The following SMURF1 variants were observed in gnomAD, a reference collection of about 807,000 sequenced individuals.
The protein encoded by SMURF1 is E3 ubiquitin-protein ligase SMURF1.
Under a neutral mutation model 98.0 loss-of-function variants are expected in SMURF1, and 44 were observed. The ratio of observed to expected loss-of-function variants is 0.45; its 90% CI spans 0.35 to 0.58. The LOEUF (loss-of-function observed/expected upper bound fraction) is 0.58. SMURF1 is among the 20% of genes least tolerant of loss of function. SMURF1 has a pLI of 0.00. For synonymous variants in SMURF1, 396 were observed against 374.9 expected, an observed-to-expected ratio of 1.06 and a Z score of -0.65; for missense variants, 687 against 938.4, an observed-to-expected ratio of 0.73 and a Z score of 3.50.
intron 12 of SMURF1, among the ~76,000 whole-genome samples, chr7:99,041,687 ACTT>A (rs1004088772): frequency 2.2e-4 from 34 of 152,174 alleles, no homozygotes; most frequent in African/African-American, 8.2e-4. Flanking sequence ...CACTGCACTG[ACTT>A]CTTCATCTCT....
rs1287385760 is a variant in SMURF1, at chr7:99,102,873, C to G, written c.55+40853G>C. On this transcript the variant is annotated intron_variant, in intron 1 of 17. Coordinates refer to ENST00000361368, the MANE Select transcript of SMURF1 (RefSeq NM_181349.3). ...ACACAGTCTCACTCCGTCACCCAGG[C>G]TGGAGTACAGCAGTGCGTCTCCAGG... Among the ~76,000 whole-genome samples the G allele has an allele frequency of 2.6e-5, 4 of 152,168 alleles. No homozygotes were observed. In the East Asian group the frequency reaches 7.7e-4, roughly 29 times the overall value.
chr7:99,119,189 C>T (rs963150133), intron 1 of SMURF1, among the ~76,000 whole-genome samples: 7 of 151,842 alleles, frequency 4.6e-5, no homozygotes, highest in Non-Finnish European at 8.8e-5. Flanking sequence ...AATATATGTA[C>T]AAGTATTTTT....
At chr7:99,075,782 T>G (rs1796441091) in intron 1 of SMURF1, among the ~76,000 whole-genome samples, 1 of 152,246 alleles carries the variant, frequency 6.6e-6, no homozygotes, top group South Asian at 2.1e-4. Context: ...TCCCATTCAT[T>G]CTGGCTGGAT....
At chr7:99,088,059 C>G (rs563126025) in intron 1 of SMURF1, among the ~76,000 whole-genome samples, 171 of 151,876 alleles carry the variant, frequency 1.1e-3, no homozygotes, top group African/African-American at 3.8e-3. Flanking sequence ...GAGTTCGAGA[C>G]CAGCCTGGCC....
At chr7:99,070,486 T>C (rs1796291937) in intron 1 of SMURF1, among the ~76,000 whole-genome samples, 1 of 152,212 alleles carries the variant, frequency 6.6e-6, no homozygotes, top group African/African-American at 2.4e-5. Context: ...TTGCAGAGCC[T>C]GAAATTAAAC....
intron 1 of SMURF1, among the ~76,000 whole-genome samples, chr7:99,096,163 C>T (rs73399266): frequency 0.032 from 4,833 of 152,220 alleles, 262 homozygotes; most frequent in African/African-American, 0.11. Flanking sequence ...ATGACCAGGA[C>T]GCCTAAATCA....
At chr7:99,118,961 A>G (rs1720501453) in intron 1 of SMURF1, among the ~76,000 whole-genome samples, 1 of 145,170 alleles carries the variant, frequency 6.9e-6, no homozygotes, top group African/African-American at 2.6e-5. Context: ...TCTGGGCTCA[A>G]GCGATCGTCC....
chr7:99,050,870 A>T, intron 8 of SMURF1: 1 of 1,277,656 alleles, frequency 7.8e-7, no homozygotes. Flanking sequence ...AAAAGAAAAA[A>T]AGAAACTTAA....
intron 1 of SMURF1, among the ~76,000 whole-genome samples, chr7:99,069,539 T>C (rs924754737): frequency 6.6e-6 from 1 of 152,178 alleles, no homozygotes; most frequent in Non-Finnish European, 1.5e-5. Flanking sequence ...TTTCAATTTC[T>C]TGTAGGGACA....
intron 12 of SMURF1, 66 bp from the exon 13 acceptor site, chr7:99,040,622 T>C: frequency 7.4e-7 from 1 of 1,343,446 alleles, no homozygotes; most frequent in Non-Finnish European, 9.7e-7. Context: ...AATCTCGTGC[T>C]GTCCCCAAGC....
chr7:99,099,811 C>G (rs548821975), intron 1 of SMURF1, among the ~76,000 whole-genome samples: 1 of 152,200 alleles, frequency 6.6e-6, no homozygotes, highest in Admixed American at 6.5e-5. Flanking sequence ...ATCATTTCCA[C>G]TTCTGTTTTC....
At chr7:99,109,628 T>G (rs1240494916) in intron 1 of SMURF1, among the ~76,000 whole-genome samples, 1 of 152,190 alleles carries the variant, frequency 6.6e-6, no homozygotes, top group Non-Finnish European at 1.5e-5. Context: ...TCCTTTGTAT[T>G]TTGTCAGCCT....
chr7:99,052,916 T>G (rs913741950), intron 6 of SMURF1, among the ~76,000 whole-genome samples: 2 of 152,034 alleles, frequency 1.3e-5, no homozygotes, highest in Non-Finnish European at 2.9e-5. Flanking sequence ...ATACAAAAAT[T>G]AGCTGGGTGT....
chr7:99,103,692 A>C (rs1264215994), intron 1 of SMURF1, among the ~76,000 whole-genome samples: 1 of 152,208 alleles, frequency 6.6e-6, no homozygotes, highest in Non-Finnish European at 1.5e-5. Context: ...TGTAATCCCC[A>C]AAATACAGCA....
intron 1 of SMURF1, among the ~76,000 whole-genome samples, chr7:99,140,340 G>A (rs1219611016): frequency 7.9e-6 from 1 of 126,636 alleles, no homozygotes; most frequent in African/African-American, 3.0e-5. Flanking sequence ...AGGCTGAAGT[G>A]CAGTGGCACA....
chr7:99,093,089 G>GAC (rs1157300943), intron 1 of SMURF1, among the ~76,000 whole-genome samples: 1 of 152,146 alleles, frequency 6.6e-6, no homozygotes, highest in African/African-American at 2.4e-5. Flanking sequence ...AGACATTGAT[G>GAC]GGGTAGGAGG....
chr7:99,035,250 T>C (rs1223899542), intron 16 of SMURF1, among the ~76,000 whole-genome samples: 2 of 152,196 alleles, frequency 1.3e-5, no homozygotes, highest in African/African-American at 4.8e-5. Context: ...CAGACCCTCT[T>C]GGCTTTTTGG....
At chr7:99,050,654 CAG>C (rs147740981) in intron 8 of SMURF1, 269 of 334,988 alleles carry the variant, frequency 8.0e-4, no homozygotes, top group East Asian at 4.2e-3. Context: ...TCATTTCTAA[CAG>C]GGGGTACAAA....
At chr7:99,039,068 CTGTAGTCCCA>C (rs1795266693) in intron 13 of SMURF1, among the ~76,000 whole-genome samples, 2 of 151,716 alleles carry the variant, frequency 1.3e-5, no homozygotes, top group African/African-American at 4.8e-5. Flanking sequence ...TGGCAGGCGC[CTGTAGTCCCA>C]GCTACTCAGG....
Sources: gnomAD v4.1 joint callset for allele counts (sites outside exome capture counted in the v4.1 genomes callset) on GRCh38, gnomAD v4.1.1 for gene constraint, MANE v1.5 for transcripts, NCBI Gene and HGNC (gene_info 2026-07-23, HGNC 2026-07-21) for gene names.